HBS1L: variants seen among roughly 807,000 people sequenced by gnomAD.
The protein encoded by HBS1L is HBS1 like translational GTPase.
Under a neutral mutation model 88.9 loss-of-function variants are expected in HBS1L, and 55 were observed. That is an observed-to-expected ratio of 0.62 (90% CI 0.50 to 0.77). The LOEUF is 0.77. Among genes scored for constraint, HBS1L ranks in the 30% least tolerant of loss-of-function variants. The pLI is 0.00. For missense variants in HBS1L, 741 were observed against 829.3 expected (o/e 0.89, Z 1.31); for synonymous variants, 267 against 288.5 (o/e 0.93, Z 0.76).
intron 7 of HBS1L, among the ~76,000 whole-genome samples, chr6:134,994,343 G>A (rs1775231010): frequency 6.6e-6 from 1 of 152,020 alleles, no homozygotes. Flanking sequence ...TACATATTTA[G>A]AAAACATAAG....
intron 4 of HBS1L, among the ~76,000 whole-genome samples, chr6:135,019,476 T>A (rs1026008651): frequency 1.3e-5 from 2 of 151,876 alleles, no homozygotes; most frequent in African/African-American, 4.8e-5. Flanking sequence ...TTAATCAAAT[T>A]TAAAAGGCAT....
rs79798684 is a variant in HBS1L at position 134,971,696 on chromosome 6, C to T, written c.1798-2358G>A. Among the ~76,000 whole-genome samples, 835 of 152,094 alleles carry T rather than the reference C, an allele frequency of 5.5e-3. 8 individuals are homozygous for T. The highest frequency in any genetic ancestry group is 0.017 in the African/African-American group (702 of 41,478). ...TCATATTATATATAACCAAAGTCAT[C>T]TATAATTCAAAGTAATGTGCAGCAT... On this transcript the variant is annotated intron_variant, in intron 15 of 17. Coordinates refer to ENST00000367837, the MANE Select transcript of HBS1L (RefSeq NM_006620.4).
intron 4 of HBS1L, among the ~76,000 whole-genome samples, chr6:135,035,411 A>T (rs1049531501): frequency 6.6e-6 from 1 of 150,482 alleles, no homozygotes; most frequent in Non-Finnish European, 1.5e-5. Flanking sequence ...ACTGCACTCC[A>T]GCCTGGCGAC....
chr6:135,039,582 T>C lies in HBS1L; in HGVS notation c.421A>G (p.Ile141Val). 1 of 1,613,406 alleles carries C rather than the reference T, an allele frequency of 6.2e-7. No homozygotes were observed. The highest frequency in any genetic ancestry group is 8.5e-7 in the Non-Finnish European group (1 of 1,179,718). The change falls in exon 4 of 18, where the codon ATA (isoleucine) becomes GTA (valine). Residue 141 changes from isoleucine to valine, a missense_variant. By Grantham distance (29) the Ile-to-Val change is conservative. This residue lies in a region of HBS1L where 556 missense variants were observed against 598.4 expected (regional missense o/e 0.93). Transcript: ENST00000367837. ...KNEATVSTGKIAKGKPVDSQT... is the reference protein window; with the variant it reads ...KNEATVSTGKVAKGKPVDSQT... The stretch of plus-strand genomic sequence containing the variant: ...ACAAGTAAAGGCATACCTTTTGCTA[T>C]CTTTCCTGTAGATACTGTTGCCTCA...
rs965216853 is a variant in HBS1L at position 134,969,767 on chromosome 6, A to G, written c.1798-429T>C. On this transcript the variant is annotated intron_variant, in intron 15 of 17. Transcript: ENST00000367837. ...ACTCTTTCTCTTCTGTCTGTACCTC[A>G]GTTTCCTCAAGTGTAAAATAAGTAG... is the stretch of plus-strand genomic sequence containing the variant. Among the ~76,000 whole-genome samples, 7 of 152,150 alleles carry G rather than the reference A, an allele frequency of 4.6e-5. No homozygotes were observed. In the South Asian group the frequency reaches 1.0e-3, roughly 23 times the overall value.
At chr6:135,007,306 G>T (rs1194852945) in intron 4 of HBS1L, among the ~76,000 whole-genome samples, 1 of 152,072 alleles carries the variant, frequency 6.6e-6, no homozygotes, top group Non-Finnish European at 1.5e-5. Flanking sequence ...TAAAGCAGTG[G>T]TTCTTAAATC....
intron 4 of HBS1L, among the ~76,000 whole-genome samples, chr6:135,009,527 T>C (rs1197060730): frequency 2.6e-5 from 4 of 152,174 alleles, no homozygotes; most frequent in Admixed American, 6.5e-5. Flanking sequence ...AAAGACTATA[T>C]AAAGTTTAAA....
In HBS1L at chr6:135,054,687, G is replaced by A. The variant is rs1403297348; in HGVS notation, c.5C>T (p.Ala2Val). 2 of 1,614,122 alleles carry A rather than the reference G, an allele frequency of 1.2e-6. No homozygotes were observed. The highest frequency in any genetic ancestry group is 3.3e-5 in the Admixed American group (2 of 60,010). M[A>V]RHRNVRGYNY... is the part of the protein sequence containing the mutation. The stretch of plus-strand genomic sequence containing the variant: ...ATAGCCTCGAACATTCCGATGCCGG[G>A]CCATGACGGCGGAGAGGGCGTTTGC... The change falls in exon 1 of 18, where the codon GCC becomes GTC. Residue 2 changes from alanine (A) to valine (V), a missense_variant. Physicochemically the swap from Ala to Val is moderately conservative, Grantham distance 64 (BLOSUM62 0). Around this residue, in one of 3 missense-constraint regions of HBS1L, gnomAD observed 556 missense variants for 598.4 expected, o/e 0.93. Coordinates refer to ENST00000367837, the MANE Select transcript of HBS1L (RefSeq NM_006620.4).
intron 4 of HBS1L, among the ~76,000 whole-genome samples, chr6:135,005,583 T>G (rs1022718847): frequency 3.3e-5 from 5 of 152,178 alleles, no homozygotes; most frequent in Non-Finnish European, 7.3e-5. Flanking sequence ...AAAGTTTGTC[T>G]GAAAAGGGAA....
rs1419644511 is a variant in HBS1L at position 135,002,746 on chromosome 6, A to C, written c.527T>G (p.Phe176Cys). 6.2e-7 allele frequency: 1 copy of C among 1,610,698 alleles called. No individual in the cohort carries two copies. Among genetic ancestry groups the C allele is most frequent in the South Asian group, 1.1e-5 (1 of 90,956 alleles). Residue 176 changes from phenylalanine to cysteine, a missense_variant, in exon 5 of 18, where the codon TTT becomes TGT. Phe to Cys is a radical substitution (Grantham distance 205, BLOSUM62 -2). Transcript: ENST00000367837. The stretch of plus-strand genomic sequence containing the variant: ...CTCAAAGTCTTACCCAGGCACTTCA[A>C]ATCCCATAGTTTGCTTCTTTCCAGA... ...TVSGKKQTMGFEVPGVSSEEN... is the reference protein window; with the variant it reads ...TVSGKKQTMGCEVPGVSSEEN...
chr6:134,995,233 T>C (rs1033544655), intron 7 of HBS1L, among the ~76,000 whole-genome samples: 2 of 152,116 alleles, frequency 1.3e-5, no homozygotes, highest in Admixed American at 6.6e-5. Context: ...TCACTCAATT[T>C]ACTAATTTCT....
intron 4 of HBS1L, among the ~76,000 whole-genome samples, chr6:135,017,122 G>A (rs1258026491): frequency 6.6e-6 from 1 of 152,114 alleles, no homozygotes; most frequent in Non-Finnish European, 1.5e-5. Context: ...ACCTAGTGTT[G>A]ACTGGTTTCA....
At chr6:134,994,638 G>A (rs1303588115) in intron 7 of HBS1L, among the ~76,000 whole-genome samples, 4 of 152,100 alleles carry the variant, frequency 2.6e-5, no homozygotes, top group Non-Finnish European at 4.4e-5. Context: ...AGCCTGAAGG[G>A]AATCTTATGC....
chr6:134,969,564 G>C (rs1448959471), intron 15 of HBS1L, among the ~76,000 whole-genome samples: 1 of 152,144 alleles, frequency 6.6e-6, no homozygotes, highest in Non-Finnish European at 1.5e-5. Flanking sequence ...ACCAATTACT[G>C]CATCAACTTT....
Position 134,985,389 on chromosome 6 carries a change from G to T in HBS1L, c.1444C>A (p.Arg482=). The change falls in exon 12 of 18, where the codon CGA becomes AGA. Residue 482 remains arginine (R), a synonymous_variant. Coordinates refer to ENST00000367837, the MANE Select transcript of HBS1L (RefSeq NM_006620.4). ...EQIDSFKPPQ[R]SIDKPFRLCV... ...AATCTAAAAGGTTTGTCAATAGATC[G>T]CTGGGGAGGCTTAAAGGAATCTGGA... is the stretch of plus-strand genomic sequence containing the variant. The T allele has an allele frequency of 1.9e-6, 3 of 1,602,190 alleles. No homozygotes were observed. The highest frequency in any genetic ancestry group is 1.3e-5 in the African/African-American group (1 of 74,216).
chr6:135,046,328 T>G (rs986770806), intron 2 of HBS1L, among the ~76,000 whole-genome samples: 1 of 150,600 alleles, frequency 6.6e-6, no homozygotes, highest in Non-Finnish European at 1.5e-5. Context: ...CCAAACTAAT[T>G]TATAAATGTA....
At position 134,965,414 on chromosome 6, in the gene HBS1L, C is replaced by T. The variant is rs962561077; in HGVS notation, c.2044-124G>A. Reference sequence around the variant, plus strand: ...AGAGAAAATCTTTTTCTTTGTCCTGCAACTTTCTTCCTTTCCTAGTCATGC... The same window carrying T: ...AGAGAAAATCTTTTTCTTTGTCCTGTAACTTTCTTCCTTTCCTAGTCATGC... On this transcript the variant is annotated intron_variant, in intron 17 of 17. Coordinates refer to ENST00000367837, the MANE Select transcript of HBS1L (RefSeq NM_006620.4). The T allele has an allele frequency of 9.0e-6, 6 of 670,036 alleles. No individual in the cohort carries two copies. The East Asian group carries it at 1.7e-4, about 19-fold the overall frequency. 41.5% of individuals were successfully genotyped at this position (670,036 alleles called of 1,614,324 possible).
intron 4 of HBS1L, among the ~76,000 whole-genome samples, chr6:135,004,640 AAG>A (rs1775559754): frequency 6.6e-6 from 1 of 152,140 alleles, no homozygotes. Context: ...AGGTAAGCAA[AAG>A]AGAGGGGAAA....
chr6:134,992,042 T>A (rs1472180043), intron 8 of HBS1L, among the ~76,000 whole-genome samples: 1 of 152,196 alleles, frequency 6.6e-6, no homozygotes, highest in Non-Finnish European at 1.5e-5. Context: ...CACTCCAGCC[T>A]GGGCTACAGA....
Sources: gnomAD v4.1 joint callset for allele counts (sites outside exome capture counted in the v4.1 genomes callset) on GRCh38, gnomAD v4.1.1 for gene constraint, gnomAD v4.1.1 regional missense constraint, MANE v1.5 for transcripts, NCBI Gene and HGNC (gene_info 2026-07-23, HGNC 2026-07-21) for gene names.